CDK14: variants seen among roughly 807,000 people sequenced by gnomAD.
CDK14 encodes cyclin dependent kinase 14.
In CDK14, 34 loss-of-function variants were observed where a neutral mutation model predicts 60.7. That is an observed-to-expected ratio of 0.56 (90% CI 0.43 to 0.75). The LOEUF (loss-of-function observed/expected upper bound fraction) is 0.75. CDK14 is among the 30% of genes least tolerant of loss of function. CDK14 has a pLI of 0.00. For synonymous variants in CDK14, 197 were observed against 203.7 expected (o/e 0.97, Z 0.28); for missense variants, 482 against 564.1 (o/e 0.85, Z 1.47).
chr7:91,209,154 A>G lies in CDK14; in HGVS notation c.*2018A>G, dbSNP rs1278914237. On this transcript the variant is annotated 3_prime_UTR_variant, in exon 15 of 15. Coordinates refer to ENST00000380050, the MANE Select transcript of CDK14 (RefSeq NM_001287135.2). Reference sequence around the variant, plus strand: ...TAAAGCAAGAGCAACTGATGATTAAATGTTGCTTTTTAATAAGGTTTTTAA... The same window carrying G: ...TAAAGCAAGAGCAACTGATGATTAAGTGTTGCTTTTTAATAAGGTTTTTAA... 2 of 152,394 alleles carry G rather than the reference A, an allele frequency of 1.3e-5. No individual in the cohort carries two copies. Among genetic ancestry groups the G allele is most frequent in the Non-Finnish European group, 2.9e-5 (2 of 68,038 alleles). The allele number at this position is 152,394 out of a possible 1,614,324, so 9.4% of individuals were successfully genotyped here. A position where few individuals can be genotyped will look rare whatever the true frequency, so the allele number is the denominator to read the frequency against.
At chr7:91,149,571 C>T (rs1310247593) in intron 14 of CDK14, among the ~76,000 whole-genome samples, 2 of 152,200 alleles carry the variant, frequency 1.3e-5, no homozygotes, top group Non-Finnish European at 2.9e-5. Flanking sequence ...CCTTGTCAGA[C>T]AGACTCTAAT....
intron 2 of CDK14, among the ~76,000 whole-genome samples, chr7:90,716,889 A>G (rs28568957): frequency 0.16 from 23,791 of 151,990 alleles, 1,965 homozygotes; most frequent in South Asian, 0.18. Flanking sequence ...TCAAATTTCA[A>G]GGTGCACACA....
chr7:90,759,473 A>AG (rs1262703263), intron 4 of CDK14, among the ~76,000 whole-genome samples: 1 of 152,224 alleles, frequency 6.6e-6, no homozygotes, highest in African/African-American at 2.4e-5. Flanking sequence ...ATGATCTGGG[A>AG]GGATTGGTGG....
At chr7:91,195,692 A>G (rs1584201739) in intron 14 of CDK14, among the ~76,000 whole-genome samples, 1 of 152,324 alleles carries the variant, frequency 6.6e-6, no homozygotes, top group African/African-American at 2.4e-5. Context: ...ATGGCATCCT[A>G]AAGAAGACAA....
intron 10 of CDK14, among the ~76,000 whole-genome samples, chr7:91,033,568 G>A (rs1584250900): frequency 1.3e-5 from 2 of 152,214 alleles, no homozygotes; most frequent in Admixed American, 1.3e-4. Flanking sequence ...CTGAGCTTCT[G>A]CAGGTGGTGG....
intron 8 of CDK14, among the ~76,000 whole-genome samples, chr7:90,951,676 A>G (rs1471898841): frequency 6.6e-6 from 1 of 152,234 alleles, no homozygotes; most frequent in East Asian, 1.9e-4. Flanking sequence ...TGTACATGGA[A>G]TATAAGTTCT....
intron 10 of CDK14, among the ~76,000 whole-genome samples, chr7:91,003,584 C>T (rs1470350269): frequency 6.6e-6 from 1 of 152,132 alleles, no homozygotes; most frequent in African/African-American, 2.4e-5. Context: ...CCCTCTCTCT[C>T]CTTGGGTATT....
intron 4 of CDK14, among the ~76,000 whole-genome samples, chr7:90,776,130 A>C (rs752630781): frequency 6.6e-6 from 1 of 152,138 alleles, no homozygotes; most frequent in Non-Finnish European, 1.5e-5. Context: ...ACCTCTGTGG[A>C]TGACTTGGAG....
At chr7:91,141,209 C>T (rs1800446917) in intron 14 of CDK14, among the ~76,000 whole-genome samples, 1 of 152,090 alleles carries the variant, frequency 6.6e-6, no homozygotes, top group Non-Finnish European at 1.5e-5. Flanking sequence ...GTTTCATGAC[C>T]CTCAGTAGGG....
At chr7:91,031,711 A>G (rs947929566) in intron 10 of CDK14, among the ~76,000 whole-genome samples, 3 of 152,240 alleles carry the variant, frequency 2.0e-5, no homozygotes, top group Non-Finnish European at 2.9e-5. Flanking sequence ...GCAAGAAAAA[A>G]ATAACAAACA....
intron 2 of CDK14, among the ~76,000 whole-genome samples, chr7:90,645,266 T>C (rs1467579176): frequency 6.6e-6 from 1 of 152,188 alleles, no homozygotes; most frequent in Non-Finnish European, 1.5e-5. Context: ...GGTATTAATA[T>C]TTTGATTATG....
intron 10 of CDK14, among the ~76,000 whole-genome samples, chr7:91,034,923 TACAC>T (rs112903211): frequency 2.9e-5 from 4 of 136,152 alleles, no homozygotes; most frequent in African/African-American, 1.1e-4. Context: ...CACACCTGTG[TACAC>T]ACACACACAC....
intron 8 of CDK14, among the ~76,000 whole-genome samples, chr7:90,918,007 C>T (rs567948033): frequency 6.6e-6 from 1 of 152,052 alleles, no homozygotes; most frequent in East Asian, 1.9e-4. Flanking sequence ...AAATTTTGAA[C>T]ATAAAATATA....
At chr7:90,977,706 T>C (rs1333154064) in intron 9 of CDK14, among the ~76,000 whole-genome samples, 5 of 152,132 alleles carry the variant, frequency 3.3e-5, no homozygotes, top group Admixed American at 3.3e-4. Flanking sequence ...CCCTCTCCAC[T>C]CCTACTTCCA....
At chr7:90,911,192 G>A (rs925771698) in intron 7 of CDK14, among the ~76,000 whole-genome samples, 18 of 152,064 alleles carry the variant, frequency 1.2e-4, no homozygotes, top group Admixed American at 7.9e-4. Flanking sequence ...AATGTCTATC[G>A]TAGTAAGCAC....
At chr7:91,173,418 A>C (rs1801594912) in intron 14 of CDK14, among the ~76,000 whole-genome samples, 1 of 147,584 alleles carries the variant, frequency 6.8e-6, no homozygotes. Flanking sequence ...AAAGAGTAAG[A>C]CTGCATCTCT....
intron 2 of CDK14, among the ~76,000 whole-genome samples, chr7:90,605,513 A>T (rs1236972449): frequency 6.6e-6 from 1 of 152,126 alleles, no homozygotes; most frequent in Admixed American, 6.5e-5. Flanking sequence ...GAATTTCGGT[A>T]GTGTTGTTAT....
At chr7:90,804,046 ATT>A (rs1482036645) in intron 5 of CDK14, among the ~76,000 whole-genome samples, 1 of 152,204 alleles carries the variant, frequency 6.6e-6, no homozygotes, top group African/African-American at 2.4e-5. Context: ...TTTGTATTCT[ATT>A]ATATGGCCTT....
At chr7:90,824,064 T>G (rs1416801649) in intron 5 of CDK14, among the ~76,000 whole-genome samples, 1 of 152,230 alleles carries the variant, frequency 6.6e-6, no homozygotes, top group East Asian at 1.9e-4. Context: ...CTAAAGTGAA[T>G]GAAGATGCTT....
Sources: allele counts gnomAD v4.1 joint callset (sites outside exome capture counted in the v4.1 genomes callset), GRCh38; gene constraint gnomAD v4.1.1; transcripts MANE v1.5; gene names NCBI Gene and HGNC (gene_info 2026-07-23, HGNC 2026-07-21).